PPHLN1: variants seen among roughly 807,000 people sequenced by gnomAD.
PPHLN1 encodes the protein periphilin 1, also known as periphilin-1.
A neutral mutation model predicts 51.3 loss-of-function variants in PPHLN1; 29 were observed. The ratio of observed to expected loss-of-function variants is 0.57; its 90% CI spans 0.42 to 0.77. The LOEUF (loss-of-function observed/expected upper bound fraction) is 0.77. Ranked by LOEUF, PPHLN1 falls within the 30% of genes least tolerant of loss-of-function variation. The probability of loss-of-function intolerance (pLI) is 0.00; values close to 1 mark genes in which losing one functional copy is unlikely to be tolerated. For missense variants in PPHLN1, 436 were observed against 438.4 expected, an observed-to-expected ratio of 0.99 and a Z score of 0.05; for synonymous variants, 147 against 147.8, an observed-to-expected ratio of 0.99 and a Z score of 0.04.
At chr12:42,417,439 C>T (rs1380286204) in intron 9 of PPHLN1, among the ~76,000 whole-genome samples, 1 of 152,088 alleles carries the variant, frequency 6.6e-6, no homozygotes, top group African/African-American at 2.4e-5. Context: ...GGAGTCCTAT[C>T]AGCAGTTGGA....
At chr12:42,358,066 T>C (rs1294112081) in intron 4 of PPHLN1, among the ~76,000 whole-genome samples, 3 of 152,338 alleles carry the variant, frequency 2.0e-5, no homozygotes, top group African/African-American at 7.2e-5. Context: ...TTTCATTCTT[T>C]TTTTATGGCT....
chr12:42,330,136 C>T (rs1298542090), intron 1 of PPHLN1, among the ~76,000 whole-genome samples: 1 of 152,242 alleles, frequency 6.6e-6, no homozygotes, highest in Admixed American at 6.5e-5. Flanking sequence ...ACCCAAGCAT[C>T]TCAGTGTAGT....
intron 9 of PPHLN1, among the ~76,000 whole-genome samples, chr12:42,425,001 T>C (rs1349715408): frequency 6.6e-6 from 1 of 152,088 alleles, no homozygotes; most frequent in African/African-American, 2.4e-5. Context: ...CTTTCCAATA[T>C]AGAATTTTTT....
rs370138304 is a variant in PPHLN1 at position 42,351,892 on chromosome 12, A to G, written c.80A>G (p.Tyr27Cys). The G allele has an allele frequency of 1.6e-5, 25 of 1,558,108 alleles. No homozygotes were observed. Among genetic ancestry groups the G allele is most frequent in the East Asian group, 2.4e-5 (1 of 41,628 alleles). ...TCTTTTTGTCTGTTTTAGGATGGCT[A>G]CAATAGACTAGTTAATATTGTGCCA... The part of the protein sequence containing the change: ...APPRSHPSDG[Y>C]NRLVNIVPKK... The change falls in exon 3 of 10, where the codon TAC (tyrosine) becomes TGC (cysteine). Residue 27 changes from tyrosine (Y) to cysteine (C), a missense_variant. By Grantham distance (194) the Tyr-to-Cys change is radical. Transcript: ENST00000358314.
chr12:42,442,662 A>T, downstream of PPHLN1: 1 of 1,614,198 alleles, frequency 6.2e-7, no homozygotes. Context: ...CAGACTTGGC[A>T]GCAGGTACCC....
chr12:42,366,224 CTTTT>C (rs34689856), intron 4 of PPHLN1, among the ~76,000 whole-genome samples: 5 of 111,210 alleles, frequency 4.5e-5, no homozygotes, highest in Non-Finnish European at 5.3e-5. Flanking sequence ...GTACCGGACA[CTTTT>C]TTTTTTTTTT....
At chr12:42,370,091 C>T (rs369011063) in intron 4 of PPHLN1, among the ~76,000 whole-genome samples, 7 of 152,206 alleles carry the variant, frequency 4.6e-5, no homozygotes, top group Non-Finnish European at 7.3e-5. Flanking sequence ...GACTTCTGAA[C>T]GGTTCACTTA....
chr12:42,427,116 T>C (rs2139791740), intron 9 of PPHLN1, among the ~76,000 whole-genome samples: 1 of 152,344 alleles, frequency 6.6e-6, no homozygotes, highest in South Asian at 2.1e-4. Context: ...ATGTGACCTT[T>C]TGTACAGTCA....
At chr12:42,365,755 A>G (rs1385709647) in intron 4 of PPHLN1, among the ~76,000 whole-genome samples, 1 of 152,180 alleles carries the variant, frequency 6.6e-6, no homozygotes. Context: ...GATATAGCCA[A>G]AGACACTGTC....
At chr12:42,436,128 G>C (rs2082458301) in intron 9 of PPHLN1, among the ~76,000 whole-genome samples, 1 of 152,166 alleles carries the variant, frequency 6.6e-6, no homozygotes, top group African/African-American at 2.4e-5. Context: ...ATGTTTCTTT[G>C]ATCTTTCTCT....
At chr12:42,360,119 A>AAAAAAAAAAAAAAAG (rs755925900) in intron 4 of PPHLN1, among the ~76,000 whole-genome samples, 1 of 150,292 alleles carries the variant, frequency 6.7e-6, no homozygotes, top group Non-Finnish European at 1.5e-5. Flanking sequence ...TCAAAAAAAA[A>AAAAAAAAAAAAAAAG]AAAAGAAAAA....
At chr12:42,413,035 A>G (rs1390645366) in intron 9 of PPHLN1, among the ~76,000 whole-genome samples, 1 of 152,146 alleles carries the variant, frequency 6.6e-6, no homozygotes, top group Non-Finnish European at 1.5e-5. Flanking sequence ...TGTCAGATGC[A>G]TAGTTTGCAA....
rs1439872260 is a variant in PPHLN1, at chr12:42,431,946, GT to G, written c.910-9368del. On this transcript the variant is annotated intron_variant, in intron 9 of 9. Transcript: ENST00000358314. Reference sequence around the variant, plus strand: ...GAGACCTCGTATGACGATTAGTACTGTGATGAGATTTGCTGGCATCAGTGTC... The same window carrying G: ...GAGACCTCGTATGACGATTAGTACTGGATGAGATTTGCTGGCATCAGTGTC... The G allele has an allele frequency of 3.1e-5, 47 of 1,503,308 alleles. No individual in the cohort carries two copies. The Admixed American group carries it at 7.5e-4, about 24-fold the overall frequency. The allele number at this position is 1,503,308 out of a possible 1,614,324, so 93.1% of individuals were successfully genotyped here. A position where few individuals can be genotyped will look rare whatever the true frequency, so the allele number is the denominator to read the frequency against.
intron 6 of PPHLN1, among the ~76,000 whole-genome samples, chr12:42,385,653 A>G (rs187858915): frequency 4.4e-4 from 67 of 152,348 alleles, no homozygotes; most frequent in Non-Finnish European, 7.5e-4. Flanking sequence ...ATAATGTGCT[A>G]TGCTGATTGG....
At chr12:42,445,132 G>A (rs1321072563), downstream of PPHLN1, 8 of 702,078 alleles carry the variant, frequency 1.1e-5, no homozygotes, top group Non-Finnish European at 2.1e-5. Flanking sequence ...CTAAATCAAT[G>A]TACACATTCT....
At chr12:42,351,661 G>T (rs2073377965) in intron 2 of PPHLN1, among the ~76,000 whole-genome samples, 1 of 152,160 alleles carries the variant, frequency 6.6e-6, no homozygotes, top group Non-Finnish European at 1.5e-5. Context: ...TCGCATTGCT[G>T]CATGTCATTT....
At chr12:42,375,861 C>T (rs950971276) in intron 5 of PPHLN1, among the ~76,000 whole-genome samples, 4 of 152,120 alleles carry the variant, frequency 2.6e-5, no homozygotes, top group African/African-American at 2.4e-5. Flanking sequence ...CAGTAGAGCT[C>T]GTTCACATAA....
intron 9 of PPHLN1, among the ~76,000 whole-genome samples, chr12:42,429,395 C>T (rs1167775991): frequency 1.3e-5 from 2 of 152,278 alleles, no homozygotes; most frequent in South Asian, 4.1e-4. Context: ...ATGTCTAGCT[C>T]CATTTTGATT....
At chr12:42,381,200 CA>C (rs889536320) in intron 5 of PPHLN1, among the ~76,000 whole-genome samples, 2 of 152,104 alleles carry the variant, frequency 1.3e-5, no homozygotes, top group African/African-American at 4.8e-5. Context: ...TTTGAGGATC[CA>C]TTGTTTACTC....
Sources: allele counts gnomAD v4.1 joint callset (sites outside exome capture counted in the v4.1 genomes callset), GRCh38; gene constraint gnomAD v4.1.1; transcripts MANE v1.5; gene names NCBI Gene and HGNC (gene_info 2026-07-23, HGNC 2026-07-21).